The following PRELID2 variants were observed in gnomAD, a reference collection of about 807,000 sequenced individuals.
PRELID2 encodes PRELI domain-containing protein 2.
PRELID2 carries 25 observed loss-of-function variants against 28.4 expected under a neutral mutation model. That is an observed-to-expected ratio of 0.88 (90% CI 0.64 to 1.23). The LOEUF (loss-of-function observed/expected upper bound fraction) is 1.23, where lower values mean the gene tolerates loss of function less well. Ranked by LOEUF, PRELID2 falls within the 50% of genes most tolerant of loss-of-function variation. PRELID2 has a pLI of 0.00. For missense variants in PRELID2, 201 were observed against 214.4 expected, an observed-to-expected ratio of 0.94 and a Z score of 0.39; for synonymous variants, 76 against 71.6, an observed-to-expected ratio of 1.06 and a Z score of -0.31.
chr5:145,347,124 C>T, the PRELID2 span, among the ~76,000 whole-genome samples: 1 of 152,112 alleles, frequency 6.6e-6, no homozygotes, highest in Non-Finnish European at 1.5e-5. Context: ...GGGTGTAAAA[C>T]CACAAAGTTC....
chr5:145,647,721 G>A (rs2149668473), intron 1 of PRELID2, among the ~76,000 whole-genome samples: 1 of 152,350 alleles, frequency 6.6e-6, no homozygotes, highest in Middle Eastern at 3.4e-3. Context: ...TGTGGGAAAA[G>A]TGCAGTATCT....
chr5:145,787,890 TAATC>T (rs1752107054), intron 5 of PRELID2, among the ~76,000 whole-genome samples: 3 of 152,218 alleles, frequency 2.0e-5, no homozygotes, highest in Admixed American at 2.0e-4. Flanking sequence ...TATGAACAAA[TAATC>T]AGTCTATCTA....
At chr5:145,332,288 A>G in the PRELID2 span, among the ~76,000 whole-genome samples, 1 of 152,176 alleles carries the variant, frequency 6.6e-6, no homozygotes, top group East Asian at 1.9e-4. Flanking sequence ...TGTTCTGTGT[A>G]TTTCCTGAAT....
the PRELID2 span, chr5:145,229,617 C>T: frequency 1.8e-6 from 2 of 1,087,344 alleles, no homozygotes; most frequent in Admixed American, 1.7e-5. Context: ...GGCTTATTGC[C>T]ATCGTGGAGA....
chr5:145,716,457 C>A (rs1471102279), intron 1 of PRELID2, among the ~76,000 whole-genome samples: 1 of 152,174 alleles, frequency 6.6e-6, no homozygotes, highest in Non-Finnish European at 1.5e-5. Context: ...AAACCTCTTT[C>A]TCATCTTCAA....
At chr5:145,284,590 C>A in the PRELID2 span, among the ~76,000 whole-genome samples, 1 of 151,940 alleles carries the variant, frequency 6.6e-6, no homozygotes, top group South Asian at 2.1e-4. Context: ...AGAAAGGAAT[C>A]CTATTCTTCA....
At chr5:145,263,698 G>T in the PRELID2 span, among the ~76,000 whole-genome samples, 1 of 151,850 alleles carries the variant, frequency 6.6e-6, no homozygotes, top group Non-Finnish European at 1.5e-5. Flanking sequence ...CAAGATTCAA[G>T]GCTACTATGA....
chr5:145,564,462 T>C (rs1168133988), intron 1 of PRELID2, among the ~76,000 whole-genome samples: 1 of 152,222 alleles, frequency 6.6e-6, no homozygotes, highest in Non-Finnish European at 1.5e-5. Context: ...CTAGGATGCT[T>C]GTCCTGAACT....
At chr5:145,565,708 G>C (rs919584533) in intron 1 of PRELID2, among the ~76,000 whole-genome samples, 4 of 152,186 alleles carry the variant, frequency 2.6e-5, no homozygotes, top group African/African-American at 4.8e-5. Flanking sequence ...ATCTGTGCCT[G>C]GATTCAGGAT....
At chr5:145,422,668 A>T in the PRELID2 span, among the ~76,000 whole-genome samples, 1 of 151,970 alleles carries the variant, frequency 6.6e-6, no homozygotes, top group African/African-American at 2.4e-5. Flanking sequence ...CAGCACACTG[A>T]TGGGTCTTGA....
chr5:145,474,310 C>G (rs1752080606), intron 1 of PRELID2, among the ~76,000 whole-genome samples: 1 of 152,138 alleles, frequency 6.6e-6, no homozygotes, highest in Non-Finnish European at 1.5e-5. Context: ...CTCAACATTA[C>G]CACCAATTAT....
At chr5:145,350,200 T>C in the PRELID2 span, among the ~76,000 whole-genome samples, 1 of 152,236 alleles carries the variant, frequency 6.6e-6, no homozygotes, top group African/African-American at 2.4e-5. Context: ...TAGCATGTAG[T>C]AGTTTCTCAA....
chr5:145,734,509 T>A (rs1756438940), intron 1 of PRELID2, among the ~76,000 whole-genome samples: 1 of 152,196 alleles, frequency 6.6e-6, no homozygotes, highest in Admixed American at 6.5e-5. Context: ...AACATATAAC[T>A]CAACTTTTGA....
the PRELID2 span, among the ~76,000 whole-genome samples, chr5:145,455,160 G>T: frequency 6.6e-6 from 1 of 152,210 alleles, no homozygotes; most frequent in African/African-American, 2.4e-5. Flanking sequence ...TGTATAAGGT[G>T]TAAGGAAGGG....
the PRELID2 span, among the ~76,000 whole-genome samples, chr5:145,422,811 A>G: frequency 5.3e-5 from 8 of 150,092 alleles, no homozygotes; most frequent in East Asian, 1.6e-3. Flanking sequence ...TCATTGGTTG[A>G]TGCAGTTTCT....
intron 1 of PRELID2, among the ~76,000 whole-genome samples, chr5:145,615,135 C>T (rs1438833007): frequency 6.6e-6 from 1 of 152,102 alleles, no homozygotes; most frequent in Non-Finnish European, 1.5e-5. Flanking sequence ...TTCTGTTGAA[C>T]AAGGCCTTTT....
At chr5:145,280,219 TG>T in the PRELID2 span, among the ~76,000 whole-genome samples, 1 of 151,712 alleles carries the variant, frequency 6.6e-6, no homozygotes, top group Non-Finnish European at 1.5e-5. Context: ...TTTGAGGGGG[TG>T]GGAATTGTTA....
intron 1 of PRELID2, among the ~76,000 whole-genome samples, chr5:145,684,458 TATCA>T (rs1754997487): frequency 6.6e-6 from 1 of 152,206 alleles, no homozygotes; most frequent in Admixed American, 6.5e-5. Context: ...CACTAAAACC[TATCA>T]CTCTCTTCTT....
chr5:145,721,002 AT>A (rs1323960809), intron 1 of PRELID2, among the ~76,000 whole-genome samples: 2 of 152,084 alleles, frequency 1.3e-5, no homozygotes, highest in Non-Finnish European at 2.9e-5. Context: ...GTTTTAAAAT[AT>A]TTTTTATTTT....
Sources: gnomAD v4.1 joint callset for allele counts (sites outside exome capture counted in the v4.1 genomes callset) on GRCh38, gnomAD v4.1.1 for gene constraint, MANE v1.5 for transcripts, NCBI Gene and HGNC (gene_info 2026-07-23, HGNC 2026-07-21) for gene names.